UGT1A8: variants seen among roughly 807,000 people sequenced by gnomAD.
UGT1A8 encodes UDP glucuronosyltransferase family 1 member A8, also known as UDP-glucuronosyltransferase 1A8.
Under a neutral mutation model 45.3 loss-of-function variants are expected in UGT1A8, and 39 were observed. The ratio of observed to expected loss-of-function variants is 0.86; its 90% confidence interval spans 0.67 to 1.12. UGT1A8 has a LOEUF of 1.12. UGT1A8 is among the 50% of genes most tolerant of loss of function. The probability of loss-of-function intolerance (pLI) is 0.00; values close to 1 mark genes in which losing one functional copy is unlikely to be tolerated. For synonymous variants in UGT1A8, 275 were observed against 249.2 expected, an observed-to-expected ratio of 1.10 and a Z score of -0.97; for missense variants, 719 against 664.9, an observed-to-expected ratio of 1.08 and a Z score of -0.90.
intron 1 of UGT1A8, chr2:233,672,665 T>C: frequency 6.2e-7 from 1 of 1,613,956 alleles, no homozygotes; most frequent in Non-Finnish European, 8.5e-7. Context: ...GAGTATGATC[T>C]CTACAGCCAC....
At chr2:233,712,095 A>G (rs1426604631) in intron 1 of UGT1A8, among the ~76,000 whole-genome samples, 2 of 152,252 alleles carry the variant, frequency 1.3e-5, no homozygotes, top group African/African-American at 2.4e-5. Flanking sequence ...ATGAATGGAC[A>G]CTTCAGTCTC....
chr2:233,704,379 G>A (rs1421348597), intron 1 of UGT1A8, among the ~76,000 whole-genome samples: 2 of 150,778 alleles, frequency 1.3e-5, no homozygotes, highest in South Asian at 2.1e-4. Context: ...TTAGCACATC[G>A]ATTTTAACTT....
At chr2:233,693,145 G>A (rs1469805529) in intron 1 of UGT1A8, 3 of 1,614,086 alleles carry the variant, frequency 1.9e-6, no homozygotes, top group African/African-American at 2.7e-5. Flanking sequence ...ATATAGTTGA[G>A]GTTCTCAGTG....
At chr2:233,636,020 A>G (rs2073282562) in intron 1 of UGT1A8, among the ~76,000 whole-genome samples, 1 of 150,982 alleles carries the variant, frequency 6.6e-6, no homozygotes, top group East Asian at 1.9e-4. Context: ...GCAGAGATGC[A>G]GGTGAGCCCC....
intron 1 of UGT1A8, chr2:233,747,088 C>A: frequency 2.5e-6 from 3 of 1,192,376 alleles, no homozygotes; most frequent in East Asian, 2.7e-5. Flanking sequence ...AGGAGGAGAG[C>A]ACTCTATCTT....
chr2:233,691,076 G>T, intron 1 of UGT1A8: 1 of 986,220 alleles, frequency 1.0e-6, no homozygotes, highest in Non-Finnish European at 1.2e-6. Context: ...AGAATGTGAA[G>T]TTTGTAGCAT....
At chr2:233,693,959 G>T (rs1050258213) in intron 1 of UGT1A8, 2 of 1,582,394 alleles carry the variant, frequency 1.3e-6, no homozygotes, top group African/African-American at 2.7e-5. Context: ...TCCCTTGGAG[G>T]ATTTCCTGGA....
chr2:233,689,498 G>A (rs539374555), intron 1 of UGT1A8, among the ~76,000 whole-genome samples: 4 of 152,192 alleles, frequency 2.6e-5, no homozygotes, highest in East Asian at 1.9e-4. Flanking sequence ...AAATCAATAC[G>A]CAGAGGTTAC....
intron 1 of UGT1A8, chr2:233,748,060 A>T: frequency 1.9e-6 from 3 of 1,613,406 alleles, no homozygotes; most frequent in Non-Finnish European, 2.5e-6. Flanking sequence ...AACTGTGCCA[A>T]CAGGAAGCCA....
At chr2:233,719,480 G>C in intron 1 of UGT1A8, 2 of 1,613,982 alleles carry the variant, frequency 1.2e-6, no homozygotes, top group South Asian at 1.1e-5. Context: ...CTCTGGCCCT[G>C]TCCTACATTT....
intron 1 of UGT1A8, among the ~76,000 whole-genome samples, chr2:233,741,187 CT>C (rs1691585629): frequency 6.6e-6 from 1 of 151,902 alleles, no homozygotes; most frequent in Non-Finnish European, 1.5e-5. Context: ...CTTGTGTTTG[CT>C]TTCAACTGTT....
chr2:233,768,554 T>C lies in UGT1A8; in HGVS notation c.1295+115T>C, dbSNP rs1402826015. On this transcript the variant is annotated intron_variant, in intron 4 of 4. Transcript: ENST00000373450. ...GCGTTGTTTCAAATATAAAAACAAA[T>C]ACATAAAAATCTGGATTTTTATTTC... 4 of 1,425,606 alleles carry C rather than the reference T, an allele frequency of 2.8e-6. No individual in the cohort carries two copies. In the African/African-American group the frequency reaches 5.8e-5, roughly 21 times the overall value. 88.3% of individuals were successfully genotyped at this position (1,425,606 alleles called of 1,614,324 possible). A position where few individuals can be genotyped will look rare whatever the true frequency, so the allele number is the denominator to read the frequency against.
At chr2:233,647,954 C>T (rs2073644046) in intron 1 of UGT1A8, 2 of 1,606,870 alleles carry the variant, frequency 1.2e-6, no homozygotes, top group African/African-American at 1.3e-5. Context: ...CACTGGTTCA[C>T]CATGTGGTCG....
At chr2:233,753,903 T>TA in intron 1 of UGT1A8, among the ~76,000 whole-genome samples, 1 of 152,344 alleles carries the variant, frequency 6.6e-6, no homozygotes, top group East Asian at 1.9e-4. Flanking sequence ...ACATGCTTCT[T>TA]ACACCGATTT....
intron 1 of UGT1A8, among the ~76,000 whole-genome samples, chr2:233,655,098 A>C (rs982557819): frequency 2.0e-5 from 3 of 152,180 alleles, no homozygotes; most frequent in African/African-American, 7.2e-5. Flanking sequence ...CAAAAAAAAG[A>C]AAGAAAGAAA....
intron 1 of UGT1A8, among the ~76,000 whole-genome samples, chr2:233,642,887 A>ACT (rs143675434): frequency 1.8e-4 from 25 of 142,734 alleles, no homozygotes; most frequent in East Asian, 6.1e-4. Flanking sequence ...TCTCTCTCTC[A>ACT]CTCTCTCTCT....
At chr2:233,722,845 C>CTT (rs61550889) in intron 1 of UGT1A8, among the ~76,000 whole-genome samples, 2,212 of 135,308 alleles carry the variant, frequency 0.016, 155 homozygotes, top group African/African-American at 0.055. Context: ...AAGAATGTTT[C>CTT]TTTTTTTTTT....
At position 233,636,699 on chromosome 2, in the gene UGT1A8, G is replaced by A. The variant is rs56935833; in HGVS notation, c.855+18137G>A. ...GGGGGCATGAGGTGGTTGTAGTCAT[G>A]CCAGAGGTGAGTTGGCAACTGGAAA... On this transcript the variant is annotated intron_variant, in intron 1 of 4. Coordinates refer to ENST00000373450, the MANE Select transcript of UGT1A8 (RefSeq NM_019076.5). 1.1e-4 allele frequency: 174 copies of A among 1,614,132 alleles called. 3 individuals carry two copies. The East Asian group carries it at 3.9e-3, about 36-fold the overall frequency.
intron 4 of UGT1A8, chr2:233,770,928 C>T (rs1253258024): frequency 6.6e-6 from 1 of 152,180 alleles, no homozygotes; most frequent in African/African-American, 2.4e-5. Context: ...GCTGACATCA[C>T]TTGGCTGCCG....
Sources: gnomAD v4.1 joint callset for allele counts (sites outside exome capture counted in the v4.1 genomes callset) on GRCh38, gnomAD v4.1.1 for gene constraint, MANE v1.5 for transcripts, NCBI Gene and HGNC (gene_info 2026-07-23, HGNC 2026-07-21) for gene names.